The following GUCY2F variants were observed in gnomAD, a reference collection of about 807,000 sequenced individuals.
GUCY2F encodes retinal guanylyl cyclase 2.
Under a neutral mutation model 73.1 loss-of-function variants are expected in GUCY2F, and 61 were observed. That is an observed-to-expected ratio of 0.83 (90% CI 0.68 to 1.03). The LOEUF (loss-of-function observed/expected upper bound fraction) is 1.03. Ranked by LOEUF, GUCY2F falls within the 50% of genes least tolerant of loss-of-function variation. GUCY2F has a pLI of 0.00. For missense variants in GUCY2F, 912 were observed against 854.3 expected (o/e 1.07, Z -0.84); for synonymous variants, 331 against 307.8 (o/e 1.08, Z -0.79).
intron 8 of GUCY2F, among the ~76,000 whole-genome samples, chrX:109,423,908 G>A (rs1931426154): frequency 9.1e-6 from 1 of 110,027 alleles, no homozygotes; most frequent in African/African-American, 3.3e-5. Flanking sequence ...TAGATCAATG[G>A]GACACAAAGC....
chrX:109,429,457 C>A (rs758771193), intron 8 of GUCY2F, among the ~76,000 whole-genome samples: 2 of 110,081 alleles, frequency 1.8e-5, no homozygotes, highest in Non-Finnish European at 3.8e-5. Context: ...AATACCAAAT[C>A]ATAACATCTC....
chrX:109,409,287 T>G (rs1931049849), intron 8 of GUCY2F, 119 bp from the exon 9 acceptor site: 1 of 445,775 alleles, frequency 2.2e-6, no homozygotes, highest in Non-Finnish European at 3.9e-6. Context: ...TTGACAGAAT[T>G]TTGACTCCCA....
At chrX:109,424,892 G>A (rs1373176511) in intron 8 of GUCY2F, among the ~76,000 whole-genome samples, 2 of 110,333 alleles carry the variant, frequency 1.8e-5, no homozygotes, top group East Asian at 2.8e-4. Flanking sequence ...TCAGCCTCCA[G>A]AGTAGCTGGG....
chrX:109,440,108 A>G (rs1051417188), intron 7 of GUCY2F, among the ~76,000 whole-genome samples: 3 of 112,122 alleles, frequency 2.7e-5, no homozygotes, highest in African/African-American at 9.7e-5. Flanking sequence ...TATAAAGATC[A>G]GAAAATTATT....
At chrX:109,436,095 A>G (rs1160440311) in intron 7 of GUCY2F, among the ~76,000 whole-genome samples, 1 of 111,716 alleles carries the variant, frequency 9.0e-6, no homozygotes, top group Non-Finnish European at 1.9e-5. Flanking sequence ...CAAGAAAAAA[A>G]CAAACAACCC....
intron 8 of GUCY2F, 54 bp from the exon 9 acceptor site, chrX:109,409,222 C>T (rs1359036242): frequency 3.1e-6 from 2 of 641,573 alleles, no homozygotes; most frequent in South Asian, 2.5e-5. Context: ...CAACTGGGGA[C>T]CACAGTTGAG....
intron 17 of GUCY2F, among the ~76,000 whole-genome samples, chrX:109,381,834 A>G (rs1267753201): frequency 8.9e-6 from 1 of 112,899 alleles, no homozygotes; most frequent in African/African-American, 3.2e-5. Context: ...GCTCATTGGA[A>G]AGCCAAATTC....
intron 12 of GUCY2F, among the ~76,000 whole-genome samples, chrX:109,393,875 C>T (rs2147254726): frequency 8.9e-6 from 1 of 112,329 alleles, no homozygotes; most frequent in South Asian, 3.7e-4. Context: ...TTTTGCTAAA[C>T]AGACATCTAG....
At chrX:109,438,701 C>G (rs1019416229) in intron 7 of GUCY2F, among the ~76,000 whole-genome samples, 2 of 112,889 alleles carry the variant, frequency 1.8e-5, no homozygotes, top group Non-Finnish European at 3.7e-5. Context: ...TGCCACAGCT[C>G]TCACAGGTTG....
chrX:109,430,264 A>C (rs1448949247), intron 8 of GUCY2F, 43 bp downstream of exon 8: 3 of 701,704 alleles, frequency 4.3e-6, no homozygotes, highest in Non-Finnish European at 6.9e-6. Context: ...TGGAGAACAG[A>C]TTTATTTTAG....
At chrX:109,469,318 A>C in intron 2 of GUCY2F, among the ~76,000 whole-genome samples, 1 of 111,385 alleles carries the variant, frequency 9.0e-6, no homozygotes, top group Non-Finnish European at 1.9e-5. Flanking sequence ...TCCTAAATTA[A>C]AATATTATAT....
At chrX:109,431,090 T>A (rs1377043208) in intron 7 of GUCY2F, among the ~76,000 whole-genome samples, 1 of 111,718 alleles carries the variant, frequency 9.0e-6, no homozygotes, top group Non-Finnish European at 1.9e-5. Context: ...AAACAACAAC[T>A]ATTTTATTGT....
chrX:109,464,290 T>A (rs1040685628), intron 3 of GUCY2F, among the ~76,000 whole-genome samples: 2 of 112,013 alleles, frequency 1.8e-5, no homozygotes, highest in African/African-American at 6.5e-5. Flanking sequence ...CCCTCCTCAC[T>A]CCTTTTTCTT....
chrX:109,381,877 T>C (rs779567507), intron 17 of GUCY2F, among the ~76,000 whole-genome samples: 7 of 112,589 alleles, frequency 6.2e-5, no homozygotes, highest in Non-Finnish European at 1.1e-4. Flanking sequence ...AGATACAACT[T>C]ACAGTCTGAA....
rs777917213 is a variant in GUCY2F at position 109,409,081 on chromosome X, A to G, written c.1879T>C (p.Ser627Pro). Residue 627 changes from serine to proline, a missense_variant, in exon 9 of 20, where the codon TCC (serine) becomes CCC (proline). Transcript: ENST00000218006. ...AGTATGTCTTCTAGGCTCCCTCGGG[A>G]ACAGAATTCTGTCACAATGGCAAAC... ...GMFAIVTEFC[S>P]RGSLEDILTN... 5 of 1,096,637 alleles carry G rather than the reference A, an allele frequency of 4.6e-6. No homozygotes were observed. Among genetic ancestry groups the G allele is most frequent in the Non-Finnish European group, 6.3e-6 (5 of 790,316 alleles). The allele number at this position is 1,096,637 out of a possible 1,213,427, so 90.4% of individuals were successfully genotyped here.
chrX:109,422,732 T>C (rs1441606332), intron 8 of GUCY2F, among the ~76,000 whole-genome samples: 1 of 111,808 alleles, frequency 8.9e-6, no homozygotes, highest in Non-Finnish European at 1.9e-5. Context: ...TACTATTCTT[T>C]AACCGAGAAA....
intron 10 of GUCY2F, among the ~76,000 whole-genome samples, chrX:109,400,433 G>T (rs187263331): frequency 9.0e-6 from 1 of 111,678 alleles, no homozygotes; most frequent in Admixed American, 9.5e-5. Context: ...TTTTCATCTT[G>T]TTAAATTTTG....
At chrX:109,386,438 AGGGAATTT>A in intron 15 of GUCY2F, among the ~76,000 whole-genome samples, 1 of 111,540 alleles carries the variant, frequency 9.0e-6, no homozygotes, top group African/African-American at 3.3e-5. Context: ...GGGATTGTAC[AGGGAATTT>A]GGGAAGCTCT....
In GUCY2F at chrX:109,409,124, GAAACCCAATAAAGGGTT is replaced by G. The variant is rs1931044192; in HGVS notation, c.1819_1835del (p.Asn607LeufsTer3). On this transcript the variant is annotated frameshift_variant, in exon 9 of 20. Transcript: ENST00000218006. LOFTEE classifies it high-confidence loss of function. ...TGGCAAACATCCCCGAATCATAGAA[GAAACCCAATAAAGGGTT>G]AATATTCTCATGACGCAAGTCCTTC... 8.9e-7 allele frequency: 1 copy of G among 1,128,554 alleles called. No homozygotes were observed. The highest frequency in any genetic ancestry group is 1.8e-5 in the African/African-American group (1 of 55,670). 93.0% of individuals were successfully genotyped at this position (1,128,554 alleles called of 1,213,427 possible).
Sources: allele counts gnomAD v4.1 joint callset (sites outside exome capture counted in the v4.1 genomes callset), GRCh38; gene constraint gnomAD v4.1.1; transcripts MANE v1.5; gene names NCBI Gene and HGNC (gene_info 2026-07-23, HGNC 2026-07-21).